Variants in PPARGC1A observed in about 807,000 individuals in gnomAD.
The protein encoded by PPARGC1A is PPARG coactivator 1 alpha.
In PPARGC1A, 25 loss-of-function variants were observed where a neutral mutation model predicts 88.7. The observed-to-expected ratio is 0.28, with a 90% confidence interval of 0.21 to 0.39. The LOEUF is 0.39. Ranked by LOEUF, PPARGC1A falls within the 10% of genes least tolerant of loss-of-function variation. PPARGC1A has a pLI of 1.00. For missense variants in PPARGC1A, 880 were observed against 968.7 expected (o/e 0.91, Z 1.22); for synonymous variants, 363 against 355.6 (o/e 1.02, Z -0.24).
chr4:24,469,091 T>C, the PPARGC1A span, among the ~76,000 whole-genome samples: 1 of 152,234 alleles, frequency 6.6e-6, no homozygotes, highest in East Asian at 1.9e-4. Context: ...TTGCCATTTT[T>C]AGGAAACGCA....
At chr4:24,388,083 C>G in the PPARGC1A span, among the ~76,000 whole-genome samples, 1 of 151,490 alleles carries the variant, frequency 6.6e-6, no homozygotes, top group South Asian at 2.1e-4. Flanking sequence ...TTTTTGCAAT[C>G]TATCCATCTG....
At chr4:24,126,655 C>T in the PPARGC1A span, among the ~76,000 whole-genome samples, 58 of 152,262 alleles carry the variant, frequency 3.8e-4, no homozygotes, top group African/African-American at 1.4e-3. Context: ...AAGGTTACCC[C>T]ATGTGTATTA....
the PPARGC1A span, among the ~76,000 whole-genome samples, chr4:24,273,181 T>C: frequency 1.6e-4 from 25 of 152,180 alleles, no homozygotes; most frequent in Non-Finnish European, 3.7e-4. Context: ...CTTCAAAGTG[T>C]AAAGTGGGAG....
chr4:23,941,787 A>T, the PPARGC1A span, among the ~76,000 whole-genome samples: 2 of 152,122 alleles, frequency 1.3e-5, no homozygotes, highest in African/African-American at 4.8e-5. Flanking sequence ...CATGTTGGGA[A>T]TTGTCACTAA....
the PPARGC1A span, among the ~76,000 whole-genome samples, chr4:24,443,958 AAAAC>A: frequency 6.6e-6 from 1 of 152,318 alleles, no homozygotes; most frequent in Admixed American, 6.5e-5. Flanking sequence ...GCCCAAGCAA[AAAAC>A]AAACAATGAA....
chr4:24,263,473 A>ACACT, the PPARGC1A span, among the ~76,000 whole-genome samples: 1 of 151,620 alleles, frequency 6.6e-6, no homozygotes, highest in African/African-American at 2.4e-5. Flanking sequence ...ACACACACAC[A>ACACT]CACACACACA....
At chr4:23,812,119 C>T (rs1369108556) in intron 10 of PPARGC1A, among the ~76,000 whole-genome samples, 1 of 151,216 alleles carries the variant, frequency 6.6e-6, no homozygotes, top group African/African-American at 2.4e-5. Context: ...GGTTTCCTGT[C>T]TCCTATGTCG....
At chr4:24,429,779 G>T in the PPARGC1A span, among the ~76,000 whole-genome samples, 1 of 151,070 alleles carries the variant, frequency 6.6e-6, no homozygotes, top group Non-Finnish European at 1.5e-5. Context: ...AGCCTCCCAA[G>T]TAGCTGAGAT....
Position 23,792,368 on chromosome 4 carries a change from G to GTGAT in PPARGC1A, c.*3450_*3453dup, listed in dbSNP as rs1482774002. ...TCTATAGATCAGGTCTTAGACTACA[G>GTGAT]TGATTGAAGTTCTCATTACAGCCAT... On this transcript the variant is annotated 3_prime_UTR_variant, in exon 13 of 13. Coordinates refer to ENST00000264867, the MANE Select transcript of PPARGC1A (RefSeq NM_013261.5). 6.6e-6 allele frequency: 1 copy of GTGAT among 152,568 alleles called. No homozygotes were observed. The highest frequency in any genetic ancestry group is 1.5e-5 in the Non-Finnish European group (1 of 68,034). The allele number at this position is 152,568 out of a possible 1,614,324, so 9.5% of individuals were successfully genotyped here.
the PPARGC1A span, among the ~76,000 whole-genome samples, chr4:24,277,792 G>C: frequency 6.6e-6 from 1 of 152,138 alleles, no homozygotes; most frequent in African/African-American, 2.4e-5. Context: ...CAGGACAGGA[G>C]AGCAAATGCT....
At chr4:24,069,841 T>C in the PPARGC1A span, among the ~76,000 whole-genome samples, 255 of 152,316 alleles carry the variant, frequency 1.7e-3, no homozygotes, top group Non-Finnish European at 3.0e-3. Context: ...GACAATAAAC[T>C]TTAAAAATAA....
chr4:23,801,325 C>T (rs1344717773), intron 12 of PPARGC1A, among the ~76,000 whole-genome samples: 3 of 151,942 alleles, frequency 2.0e-5, no homozygotes, highest in Admixed American at 6.6e-5. Flanking sequence ...CACAATACTA[C>T]ACACATACAT....
the PPARGC1A span, among the ~76,000 whole-genome samples, chr4:24,299,881 A>C: frequency 6.6e-6 from 1 of 152,244 alleles, no homozygotes. Flanking sequence ...GTTCGTATGT[A>C]TATTCATTGT....
At position 23,829,508 on chromosome 4, in the gene PPARGC1A, A is replaced by C; in HGVS notation, c.507T>G (p.His169Gln). ...TTCTGATCCTGTGATTGTGATTTGC[A>C]TGGTTCTGGGTACTGAGACCACTGC... ...NECSGLSTQNHANHNHRIRTN... is the reference protein window; with the variant it reads ...NECSGLSTQNQANHNHRIRTN... Residue 169 changes from histidine (H) to glutamine (Q), a missense_variant, in exon 4 of 13, where the codon CAT (histidine) becomes CAG (glutamine). Coordinates refer to ENST00000264867, the MANE Select transcript of PPARGC1A (RefSeq NM_013261.5). 6.2e-7 allele frequency: 1 copy of C among 1,613,858 alleles called. No homozygotes were observed. Among genetic ancestry groups the C allele is most frequent in the Non-Finnish European group, 8.5e-7 (1 of 1,179,764 alleles).
the PPARGC1A span, among the ~76,000 whole-genome samples, chr4:24,349,635 G>T: frequency 1.3e-5 from 2 of 152,274 alleles, no homozygotes; most frequent in Admixed American, 1.3e-4. Context: ...TGAAGGGCCA[G>T]TCTCACTCCC....
At chr4:24,018,641 C>T in the PPARGC1A span, among the ~76,000 whole-genome samples, 8,327 of 152,190 alleles carry the variant, frequency 0.055, 653 homozygotes, top group African/African-American at 0.17. Context: ...TCATTCCTCA[C>T]GATCTCATTT....
the PPARGC1A span, among the ~76,000 whole-genome samples, chr4:24,357,991 T>A: frequency 2.0e-5 from 3 of 152,194 alleles, no homozygotes; most frequent in Non-Finnish European, 4.4e-5. Flanking sequence ...TCTCTAAAGG[T>A]GGTTGAGTCC....
At chr4:23,911,964 C>T in the PPARGC1A span, among the ~76,000 whole-genome samples, 1 of 152,170 alleles carries the variant, frequency 6.6e-6, no homozygotes, top group African/African-American at 2.4e-5. Flanking sequence ...TCTGAAACTG[C>T]ATGTCCCCAA....
At chr4:24,149,764 A>G in the PPARGC1A span, among the ~76,000 whole-genome samples, 1 of 152,220 alleles carries the variant, frequency 6.6e-6, no homozygotes, top group Non-Finnish European at 1.5e-5. Flanking sequence ...AGCTTTGTTC[A>G]GCAGTTTTAT....
Sources: allele counts gnomAD v4.1 joint callset (sites outside exome capture counted in the v4.1 genomes callset), GRCh38; gene constraint gnomAD v4.1.1; transcripts MANE v1.5; gene names NCBI Gene and HGNC (gene_info 2026-07-23, HGNC 2026-07-21).